The following ODAD2 variants were observed in gnomAD, a reference collection of about 807,000 sequenced individuals.
ODAD2 encodes outer dynein arm-docking complex subunit 2.
In ODAD2, 89 loss-of-function variants were observed where a neutral mutation model predicts 106.8. The observed-to-expected ratio is 0.83, with a 90% CI of 0.70 to 0.99. ODAD2 has a LOEUF of 0.99. ODAD2 is among the 50% of genes least tolerant of loss of function. The pLI is 0.00. For synonymous variants in ODAD2, 404 were observed against 436.2 expected (o/e 0.93, Z 0.92); for missense variants, 1,168 against 1,238.5 (o/e 0.94, Z 0.85).
At chr10:27,993,117 G>A (rs1445874972) in intron 2 of ODAD2, among the ~76,000 whole-genome samples, 5 of 152,050 alleles carry the variant, frequency 3.3e-5, no homozygotes, top group African/African-American at 1.2e-4. Flanking sequence ...ATTTCACCAT[G>A]TTGGCCAGGC....
intron 16 of ODAD2, among the ~76,000 whole-genome samples, chr10:27,920,088 A>G (rs1844664750): frequency 6.9e-6 from 1 of 144,498 alleles, no homozygotes; most frequent in Non-Finnish European, 1.5e-5. Flanking sequence ...AATTACCATA[A>G]AAGGCAAAAA....
At chr10:27,853,293 G>A (rs931084650) in intron 19 of ODAD2, 3 of 253,806 alleles carry the variant, frequency 1.2e-5, no homozygotes, top group Non-Finnish European at 2.3e-5. Flanking sequence ...CTTGAATCCG[G>A]GAGGTGGAGG....
chr10:27,869,128 T>TA (rs1293436211), intron 17 of ODAD2, among the ~76,000 whole-genome samples: 2 of 151,980 alleles, frequency 1.3e-5, no homozygotes, highest in South Asian at 2.1e-4. Flanking sequence ...AGATATAAAA[T>TA]AAAAATGCAT....
At chr10:27,908,511 G>T (rs996963790) in intron 16 of ODAD2, among the ~76,000 whole-genome samples, 1 of 152,068 alleles carries the variant, frequency 6.6e-6, no homozygotes, top group Non-Finnish European at 1.5e-5. Flanking sequence ...GGAGAAGAAG[G>T]CCAAACAAAA....
At chr10:27,848,865 C>T (rs1367466892) in intron 19 of ODAD2, among the ~76,000 whole-genome samples, 1 of 152,172 alleles carries the variant, frequency 6.6e-6, no homozygotes, top group African/African-American at 2.4e-5. Flanking sequence ...CCATCTCACA[C>T]CAGTTAGAAT....
intron 17 of ODAD2, among the ~76,000 whole-genome samples, chr10:27,874,351 T>G (rs1446041657): frequency 6.6e-6 from 1 of 152,224 alleles, no homozygotes; most frequent in Non-Finnish European, 1.5e-5. Context: ...TTTAGTCTAT[T>G]TACATTTAAG....
chr10:27,824,238 T>A lies in ODAD2; in HGVS notation c.3022-11613A>T, dbSNP rs575847861. Among the ~76,000 whole-genome samples, 19 of 151,112 alleles carry A rather than the reference T, an allele frequency of 1.3e-4. No homozygotes were observed. In the South Asian group the frequency reaches 4.0e-3, roughly 32 times the overall value. On this transcript the variant is annotated intron_variant, in intron 19 of 19. Coordinates refer to ENST00000305242, the MANE Select transcript of ODAD2 (RefSeq NM_018076.5). ...GTCTCTAGTCTAGGAGAACATCAAA[T>A]CCTGCTATGGATTGAATTTTGTCCC... is the stretch of plus-strand genomic sequence containing the variant.
intron 17 of ODAD2, among the ~76,000 whole-genome samples, chr10:27,874,055 A>G (rs761685745): frequency 5.3e-5 from 8 of 152,140 alleles, no homozygotes; most frequent in African/African-American, 1.2e-4. Context: ...TTGGGTGCAT[A>G]TATATTTAGG....
At chr10:27,971,385 G>A (rs1451682486) in intron 7 of ODAD2, 72 bp from the exon 8 acceptor site, 1 of 1,298,278 alleles carries the variant, frequency 7.7e-7, no homozygotes, top group South Asian at 1.6e-5. Flanking sequence ...ATTAATGCCA[G>A]TGGTAAATTC....
At chr10:27,911,021 T>C (rs1843977051) in intron 16 of ODAD2, among the ~76,000 whole-genome samples, 2 of 152,186 alleles carry the variant, frequency 1.3e-5, no homozygotes, top group African/African-American at 4.8e-5. Flanking sequence ...ATTGGACTTA[T>C]GGCCAGTAGC....
chr10:27,910,303 C>T (rs1405101104), intron 16 of ODAD2, among the ~76,000 whole-genome samples: 2 of 152,140 alleles, frequency 1.3e-5, no homozygotes, highest in Non-Finnish European at 2.9e-5. Flanking sequence ...ACCCAAAGAT[C>T]ACTCCTAGGG....
chr10:27,844,520 T>A (rs1318059736), intron 19 of ODAD2, among the ~76,000 whole-genome samples: 1 of 152,230 alleles, frequency 6.6e-6, no homozygotes, highest in Non-Finnish European at 1.5e-5. Context: ...CTTCCAATGG[T>A]GGTTCAGAGA....
chr10:27,959,450 G>A (rs1286142092), intron 10 of ODAD2, among the ~76,000 whole-genome samples: 1 of 151,928 alleles, frequency 6.6e-6, no homozygotes, highest in Non-Finnish European at 1.5e-5. Context: ...CTGTGGTTCA[G>A]TAAAGATGCA....
chr10:27,818,114 A>G (rs993540776), intron 19 of ODAD2, among the ~76,000 whole-genome samples: 2 of 151,372 alleles, frequency 1.3e-5, no homozygotes, highest in South Asian at 2.1e-4. Context: ...GAGCGCTGCC[A>G]GCCTGGATGC....
chr10:27,907,708 C>T lies in ODAD2; in HGVS notation c.2565G>A (p.Lys855=). 6.2e-7 allele frequency: 1 copy of T among 1,613,928 alleles called. No individual in the cohort carries two copies. The highest frequency in any genetic ancestry group is 1.1e-5 in the South Asian group (1 of 91,072). ...GACAGAGTGCCCATGCTGCGCTGGC[C>T]TTCACGTCTGGGTGAGGATTTTTCA... ...SLLKNPHPDV[K]ASAAWALCPC... The change falls in exon 17 of 20, where the codon AAG becomes AAA. Residue 855 remains lysine (K), a synonymous_variant. Coordinates refer to ENST00000305242, the MANE Select transcript of ODAD2 (RefSeq NM_018076.5).
chr10:27,924,010 G>GAGAA (rs1845020523), intron 16 of ODAD2, among the ~76,000 whole-genome samples: 1 of 111,486 alleles, frequency 9.0e-6, no homozygotes, highest in Non-Finnish European at 1.7e-5. Context: ...AAGAAAGAAA[G>GAGAA]AAAGAAAGAA....
chr10:27,852,233 G>T (rs1004395957), intron 19 of ODAD2, among the ~76,000 whole-genome samples: 1 of 152,116 alleles, frequency 6.6e-6, no homozygotes, highest in African/African-American at 2.4e-5. Flanking sequence ...TTTACAGAAA[G>T]GAATAAATAG....
At chr10:27,875,261 C>CT (rs753124728) in intron 17 of ODAD2, among the ~76,000 whole-genome samples, 8 of 152,076 alleles carry the variant, frequency 5.3e-5, no homozygotes, top group Non-Finnish European at 1.2e-4. Context: ...TTCATCTAAT[C>CT]TTTTTTTGAA....
At chr10:27,962,105 G>A (rs1848182673) in intron 9 of ODAD2, among the ~76,000 whole-genome samples, 1 of 152,098 alleles carries the variant, frequency 6.6e-6, no homozygotes. Context: ...ACTGCATGAG[G>A]TGAATAAACC....
Sources: allele counts gnomAD v4.1 joint callset (sites outside exome capture counted in the v4.1 genomes callset), GRCh38; gene constraint gnomAD v4.1.1; transcripts MANE v1.5; gene names NCBI Gene and HGNC (gene_info 2026-07-23, HGNC 2026-07-21).